CHIC2: variants seen among roughly 807,000 people sequenced by gnomAD.
CHIC2 encodes the protein cysteine rich hydrophobic domain 2.
CHIC2 carries 14 observed loss-of-function variants against 25.9 expected under a neutral mutation model. The observed-to-expected ratio is 0.54, with a 90% CI of 0.36 to 0.85. The LOEUF is 0.85. CHIC2 is among the 40% of genes least tolerant of loss of function. The probability of loss-of-function intolerance (pLI) is 0.01; values close to 1 mark genes in which losing one functional copy is unlikely to be tolerated. For missense variants in CHIC2, 146 were observed against 202.0 expected, an observed-to-expected ratio of 0.72 and a Z score of 1.68; for synonymous variants, 70 against 72.0, an observed-to-expected ratio of 0.97 and a Z score of 0.14.
the CHIC2 span, among the ~76,000 whole-genome samples, chr4:54,090,684 C>T: frequency 6.6e-6 from 1 of 152,122 alleles, no homozygotes; most frequent in East Asian, 1.9e-4. Flanking sequence ...TGCTCACAAC[C>T]ATCCTGTGAG....
At chr4:54,073,689 T>C in the CHIC2 span, among the ~76,000 whole-genome samples, 6 of 152,126 alleles carry the variant, frequency 3.9e-5, no homozygotes, top group African/African-American at 1.4e-4. Context: ...AAATGACAAA[T>C]GTTTATTGTT....
At chr4:54,033,609 A>C (rs1716298538) in intron 3 of CHIC2, among the ~76,000 whole-genome samples, 1 of 152,156 alleles carries the variant, frequency 6.6e-6, no homozygotes, top group Non-Finnish European at 1.5e-5. Context: ...AGCCCAGGTC[A>C]CAAGGATTTT....
chr4:54,045,721 TC>T (rs1163681298), intron 3 of CHIC2, among the ~76,000 whole-genome samples: 1 of 151,986 alleles, frequency 6.6e-6, no homozygotes, highest in Admixed American at 6.6e-5. Flanking sequence ...CTGGAAGCAT[TC>T]CCTTTGAAAA....
chr4:54,090,843 T>C, the CHIC2 span, among the ~76,000 whole-genome samples: 2 of 152,040 alleles, frequency 1.3e-5, no homozygotes, highest in Non-Finnish European at 2.9e-5. Flanking sequence ...TGCATCGTCT[T>C]ATTACGATCA....
intron 3 of CHIC2, among the ~76,000 whole-genome samples, chr4:54,031,480 G>A (rs1487889036): frequency 6.6e-6 from 1 of 152,138 alleles, no homozygotes; most frequent in East Asian, 1.9e-4. Flanking sequence ...CACTGTGACA[G>A]CACTGAGGAT....
chr4:54,048,825 C>T (rs1716911298), intron 3 of CHIC2, 130 bp downstream of exon 3: 3 of 740,342 alleles, frequency 4.1e-6, no homozygotes, highest in Non-Finnish European at 6.0e-6. Context: ...CACTCCTCTC[C>T]TGGATCAGAT....
the CHIC2 span, among the ~76,000 whole-genome samples, chr4:54,080,224 TA>T: frequency 8.7e-5 from 13 of 149,012 alleles, no homozygotes; most frequent in African/African-American, 2.0e-4. Context: ...ATTCAGCCAT[TA>T]AAAAAAAGAA....
intron 1 of CHIC2, chr4:54,061,262 C>T (rs1717324225): frequency 1.3e-5 from 2 of 152,108 alleles, no homozygotes; most frequent in South Asian, 4.1e-4. Context: ...CTTTCTTTCT[C>T]ACATCACCAC....
Position 54,047,765 on chromosome 4 carries a change from G to A in CHIC2, c.330+1190C>T, listed in dbSNP as rs898127006. Among the ~76,000 whole-genome samples, 11 of 151,528 alleles carry A rather than the reference G, an allele frequency of 7.3e-5. No individual in the cohort carries two copies. In the South Asian group the frequency reaches 8.3e-4, roughly 11 times the overall value. On this transcript the variant is annotated intron_variant, in intron 3 of 5. Transcript: ENST00000263921. ...GTATACATATGTAACTAACCTGCAC[G>A]TTGTGCACATGTACCCTAGAATTTA...
chr4:54,064,106 G>GGAAACGGGGCTCCCGTGGA lies in CHIC2; in HGVS notation c.119+57_119+75dup. The GGAAACGGGGCTCCCGTGGA allele has an allele frequency of 7.6e-7, 1 of 1,312,512 alleles. No homozygotes were observed. The highest frequency in any genetic ancestry group is 1.3e-5 in the South Asian group (1 of 78,624). The allele number at this position is 1,312,512 out of a possible 1,614,324, so 81.3% of individuals were successfully genotyped here. ...GCCCCCGACACCAGACGGACACAGG[G>GGAAACGGGGCTCCCGTGGA]GAAACGGGGCTCCCGTGGAGTAACG... On this transcript the variant is annotated intron_variant, in intron 1 of 5. Transcript: ENST00000263921. The surrounding 1 kb of genome is among the most constrained non-coding windows in gnomAD (Gnocchi z 4.2).
chr4:54,081,596 C>T, the CHIC2 span, among the ~76,000 whole-genome samples: 2 of 151,960 alleles, frequency 1.3e-5, no homozygotes, highest in Non-Finnish European at 1.5e-5. Flanking sequence ...TACTTTATGC[C>T]CAAATGAGTA....
At chr4:54,064,859 C>A (rs1717475425), upstream of CHIC2, among the ~76,000 whole-genome samples, 1 of 152,100 alleles carries the variant, frequency 6.6e-6, no homozygotes, top group South Asian at 2.1e-4. This position sits in a 1 kb window ranked among gnomAD's most constrained non-coding sequence, Gnocchi z 4.2. Context: ...GGTGGCGGAC[C>A]CTGGGGGCGG....
At chr4:54,013,385 G>C (rs1466032190) in intron 5 of CHIC2, among the ~76,000 whole-genome samples, 3 of 152,054 alleles carry the variant, frequency 2.0e-5, no homozygotes, top group African/African-American at 7.2e-5. Context: ...ATTCTTTAAA[G>C]GGCACTGAGG....
intron 3 of CHIC2, among the ~76,000 whole-genome samples, chr4:54,033,025 G>A (rs1036688479): frequency 2.6e-5 from 4 of 152,150 alleles, no homozygotes; most frequent in African/African-American, 9.7e-5. Flanking sequence ...CCTTGCTCCT[G>A]CTCTGCCATA....
chr4:54,061,299 G>A (rs1717325980), intron 1 of CHIC2: 1 of 152,114 alleles, frequency 6.6e-6, no homozygotes, highest in South Asian at 2.1e-4. Flanking sequence ...CGTCACGTGA[G>A]AATACCAGTT....
At chr4:54,085,186 T>A in the CHIC2 span, among the ~76,000 whole-genome samples, 1 of 152,174 alleles carries the variant, frequency 6.6e-6, no homozygotes, top group Admixed American at 6.5e-5. Flanking sequence ...ACAAGTATTA[T>A]CTTTAAAAAC....
At chr4:54,031,174 A>G (rs1216012609) in intron 3 of CHIC2, among the ~76,000 whole-genome samples, 1 of 128,062 alleles carries the variant, frequency 7.8e-6, no homozygotes, top group Non-Finnish European at 1.7e-5. Context: ...GATTAAAAGG[A>G]AAGGAAAAAA....
the CHIC2 span, among the ~76,000 whole-genome samples, chr4:54,091,092 G>A: frequency 2.0e-5 from 3 of 152,078 alleles, no homozygotes; most frequent in African/African-American, 4.8e-5. Flanking sequence ...ATCCACAGGT[G>A]GGTGAACAAT....
chr4:54,077,546 A>T, the CHIC2 span, among the ~76,000 whole-genome samples: 1 of 152,214 alleles, frequency 6.6e-6, no homozygotes, highest in Non-Finnish European at 1.5e-5. Context: ...TGAGAATCAA[A>T]TGAATAGTTC....
Sources: allele counts gnomAD v4.1 joint callset (sites outside exome capture counted in the v4.1 genomes callset), GRCh38; gene constraint gnomAD v4.1.1; non-coding constraint Gnocchi (gnomAD v3.1); transcripts MANE v1.5; gene names NCBI Gene and HGNC (gene_info 2026-07-23, HGNC 2026-07-21).